The following ARID1B variants were observed in gnomAD, a reference collection of about 807,000 sequenced individuals.
The protein encoded by ARID1B is AT-rich interaction domain 1B.
In ARID1B, 30 loss-of-function variants were observed where a neutral mutation model predicts 212.3. That is an observed-to-expected ratio of 0.14 (90% confidence interval 0.11 to 0.19). The LOEUF is 0.19. Among genes scored for constraint, ARID1B ranks in the 10% least tolerant of loss-of-function variants. ARID1B has a pLI of 1.00. For missense variants in ARID1B, 2,891 were observed against 3,204.0 expected, an observed-to-expected ratio of 0.90 and a Z score of 2.36; for synonymous variants, 1,402 against 1,301.7, an observed-to-expected ratio of 1.08 and a Z score of -1.66.
intron 7 of ARID1B, among the ~76,000 whole-genome samples, chr6:157,140,086 C>T (rs1042605854): frequency 1.3e-5 from 2 of 151,998 alleles, no homozygotes; most frequent in African/African-American, 4.8e-5. Context: ...GAATAAATTG[C>T]GTATCTGTGC....
intron 5 of ARID1B, among the ~76,000 whole-genome samples, chr6:157,110,247 A>T (rs941107934): frequency 6.6e-6 from 1 of 152,224 alleles, no homozygotes; most frequent in Non-Finnish European, 1.5e-5. Context: ...GAACTCATTC[A>T]GTAACAACTT....
intron 3 of ARID1B, among the ~76,000 whole-genome samples, chr6:156,932,738 A>G (rs562241741): frequency 6.6e-6 from 1 of 152,348 alleles, no homozygotes; most frequent in Admixed American, 6.5e-5. Context: ...AACAGACTTT[A>G]TAGTCCCACT....
intron 4 of ARID1B, among the ~76,000 whole-genome samples, chr6:156,968,344 AAATGT>A (rs142097941): frequency 0.039 from 5,898 of 152,324 alleles, 141 homozygotes; most frequent in Non-Finnish European, 0.056. Context: ...TATATCTGAA[AAATGT>A]AATGTAAAGA....
chr6:157,134,421 A>G (rs1016397693), intron 7 of ARID1B, among the ~76,000 whole-genome samples: 3 of 152,244 alleles, frequency 2.0e-5, no homozygotes, highest in Non-Finnish European at 4.4e-5. Context: ...TGTTGGTAGG[A>G]AGACTATGGG....
intron 12 of ARID1B, among the ~76,000 whole-genome samples, chr6:157,182,647 C>T (rs1792644231): frequency 6.6e-6 from 1 of 152,172 alleles, no homozygotes; most frequent in Admixed American, 6.5e-5. Context: ...CTTAGCCTTC[C>T]CACTAGGTGC....
intron 3 of ARID1B, among the ~76,000 whole-genome samples, chr6:156,916,759 T>C (rs756941276): frequency 5.3e-5 from 8 of 152,180 alleles, no homozygotes; most frequent in Non-Finnish European, 1.2e-4. Flanking sequence ...GTTTTCCTTT[T>C]ACCTCTGACT....
rs1045273487 is a variant in ARID1B, at chr6:157,124,730, C to T, written c.2582-8298C>T. Among the ~76,000 whole-genome samples, 3 of 151,680 alleles carry T rather than the reference C, an allele frequency of 2.0e-5. No individual in the cohort carries two copies. The East Asian group carries it at 5.8e-4, about 29-fold the overall frequency. On this transcript the variant is annotated intron_variant, in intron 6 of 19. Coordinates refer to ENST00000636930, the MANE Select transcript of ARID1B (RefSeq NM_001374828.1). ...TGAATAGTATATGTAAGTATGTAAA[C>T]ATATGCACATTGGATCATGACATAA...
intron 2 of ARID1B, among the ~76,000 whole-genome samples, chr6:156,860,986 C>CAGGA (rs1785290154): frequency 6.6e-6 from 1 of 152,198 alleles, no homozygotes; most frequent in African/African-American, 2.4e-5. Context: ...GAAAAAGATA[C>CAGGA]ACATTCCAGG....
intron 4 of ARID1B, among the ~76,000 whole-genome samples, chr6:156,967,231 C>T (rs541960801): frequency 2.0e-5 from 3 of 152,176 alleles, no homozygotes; most frequent in Admixed American, 6.5e-5. Flanking sequence ...TTGGAAGATA[C>T]GTGTTGCTGA....
At chr6:157,082,369 T>A (rs1203451893) in intron 4 of ARID1B, among the ~76,000 whole-genome samples, 1 of 152,148 alleles carries the variant, frequency 6.6e-6, no homozygotes, top group Non-Finnish European at 1.5e-5. Context: ...GTGGTCTCTG[T>A]CAAGACTTCT....
chr6:156,829,490 A>G (rs541099720), intron 2 of ARID1B, 69 bp downstream of exon 2: 8 of 1,451,786 alleles, frequency 5.5e-6, no homozygotes, highest in Non-Finnish European at 7.4e-6. Flanking sequence ...CTGTCCACCT[A>G]AGATTGATGT....
chr6:156,931,676 A>G (rs1791728859), intron 3 of ARID1B, among the ~76,000 whole-genome samples: 1 of 151,918 alleles, frequency 6.6e-6, no homozygotes, highest in Non-Finnish European at 1.5e-5. Context: ...AAAATAAATA[A>G]ATTAGGCCGG....
At chr6:156,905,748 C>T (rs1224968392) in intron 3 of ARID1B, among the ~76,000 whole-genome samples, 1 of 152,070 alleles carries the variant, frequency 6.6e-6, no homozygotes, top group Non-Finnish European at 1.5e-5. Context: ...TCCTCATTAT[C>T]CTTCTTTTTC....
intron 4 of ARID1B, among the ~76,000 whole-genome samples, chr6:157,061,696 A>C (rs534218621): frequency 6.6e-6 from 1 of 152,358 alleles, no homozygotes; most frequent in Non-Finnish European, 1.5e-5. Flanking sequence ...TCTGAAATTT[A>C]ACTGAGTTCC....
At chr6:156,824,107 G>T (rs1287901103) in intron 1 of ARID1B, among the ~76,000 whole-genome samples, 2 of 151,910 alleles carry the variant, frequency 1.3e-5, no homozygotes, top group Non-Finnish European at 2.9e-5. Flanking sequence ...TTCTTCCTTA[G>T]AGAGAGAGAG....
chr6:157,179,410 T>C (rs1337911014), intron 11 of ARID1B, among the ~76,000 whole-genome samples: 3 of 152,104 alleles, frequency 2.0e-5, no homozygotes, highest in African/African-American at 7.2e-5. Flanking sequence ...AAAATAAGCT[T>C]TAAAAATTTA....
chr6:156,821,186 CT>C (rs1782328035), intron 1 of ARID1B, among the ~76,000 whole-genome samples: 1 of 152,194 alleles, frequency 6.6e-6, no homozygotes. Flanking sequence ...TAAAGACCAA[CT>C]TCTTCTACTA....
chr6:156,786,886 C>A (rs1376918051), intron 1 of ARID1B, among the ~76,000 whole-genome samples: 1 of 151,476 alleles, frequency 6.6e-6, no homozygotes, highest in Non-Finnish European at 1.5e-5. Context: ...TGACTTAGAA[C>A]TGGCTCATTT....
intron 4 of ARID1B, among the ~76,000 whole-genome samples, chr6:157,042,656 C>T (rs960688502): frequency 2.1e-5 from 3 of 141,770 alleles, no homozygotes; most frequent in Non-Finnish European, 4.6e-5. Flanking sequence ...GAGCCCTCCA[C>T]TCCTTTTTTT....
Sources: allele counts gnomAD v4.1 joint callset (sites outside exome capture counted in the v4.1 genomes callset), GRCh38; gene constraint gnomAD v4.1.1; transcripts MANE v1.5; gene names NCBI Gene and HGNC (gene_info 2026-07-23, HGNC 2026-07-21).